ABTB3: variants seen among roughly 807,000 people sequenced by gnomAD.
ABTB3 encodes ankyrin repeat- and BTB/POZ domain-containing protein 3.
chr12:107,548,210 T>A, the ABTB3 span, among the ~76,000 whole-genome samples: 46,010 of 152,000 alleles, frequency 0.3, 7,210 homozygotes, highest in African/African-American at 0.37. Flanking sequence ...TATCCTGCAA[T>A]TCTATCAAAC....
chr12:107,319,453 C>T, the ABTB3 span: 9 of 1,607,216 alleles, frequency 5.6e-6, no homozygotes, highest in Non-Finnish European at 7.6e-6. Context: ...TCGTGCTGTC[C>T]TGGGGCCTGG....
the ABTB3 span, among the ~76,000 whole-genome samples, chr12:107,473,642 C>A: frequency 0.012 from 1,884 of 152,142 alleles, 23 homozygotes; most frequent in Non-Finnish European, 0.02. Flanking sequence ...TTGAACTTCC[C>A]CTAAATGGAC....
At chr12:107,330,279 T>C in the ABTB3 span, among the ~76,000 whole-genome samples, 1 of 152,124 alleles carries the variant, frequency 6.6e-6, no homozygotes. Context: ...AGGAGGGAGA[T>C]GCAGTGATCA....
the ABTB3 span, chr12:107,649,524 C>T: frequency 2.1e-6 from 1 of 484,296 alleles, no homozygotes. Context: ...CTTTTAGTAG[C>T]CACTGAGTGA....
the ABTB3 span, among the ~76,000 whole-genome samples, chr12:107,469,864 TC>T: frequency 1.6e-4 from 22 of 141,426 alleles, 1 homozygote; most frequent in African/African-American, 5.5e-4. Flanking sequence ...TTTCTTTCTT[TC>T]TTTTCTTTCT....
At chr12:107,648,250 G>A in the ABTB3 span, among the ~76,000 whole-genome samples, 3 of 151,964 alleles carry the variant, frequency 2.0e-5, no homozygotes, top group Non-Finnish European at 4.4e-5. Context: ...GCGTGGCAGC[G>A]TGCACCTGTA....
the ABTB3 span, among the ~76,000 whole-genome samples, chr12:107,637,936 G>A: frequency 6.6e-6 from 1 of 151,914 alleles, no homozygotes; most frequent in African/African-American, 2.4e-5. Flanking sequence ...GGGACTAGCT[G>A]GAGATGAACA....
chr12:107,335,422 CT>C, the ABTB3 span, among the ~76,000 whole-genome samples: 32 of 150,594 alleles, frequency 2.1e-4, no homozygotes, highest in African/African-American at 7.8e-4. Context: ...GGAAAATGCC[CT>C]CAGTATATCA....
At chr12:107,471,604 C>T in the ABTB3 span, among the ~76,000 whole-genome samples, 2 of 152,156 alleles carry the variant, frequency 1.3e-5, no homozygotes, top group Non-Finnish European at 2.9e-5. Flanking sequence ...TTGGTGTGAG[C>T]TTTGCCTGCA....
chr12:107,466,197 G>C, the ABTB3 span, among the ~76,000 whole-genome samples: 14 of 152,220 alleles, frequency 9.2e-5, no homozygotes, highest in South Asian at 2.9e-3. Flanking sequence ...AAGGTGTCAG[G>C]AGGGGCCCAA....
chr12:107,342,944 G>A, the ABTB3 span, among the ~76,000 whole-genome samples: 1 of 152,164 alleles, frequency 6.6e-6, no homozygotes, highest in African/African-American at 2.4e-5. Flanking sequence ...TTTTGCTGTG[G>A]CTATGACCTG....
chr12:107,580,694 G>A, the ABTB3 span: 7 of 759,756 alleles, frequency 9.2e-6, no homozygotes, highest in East Asian at 1.9e-4. Flanking sequence ...CAGATGGGAA[G>A]GGAGTGCTAG....
chr12:107,548,025 T>G, the ABTB3 span, among the ~76,000 whole-genome samples: 4 of 152,326 alleles, frequency 2.6e-5, no homozygotes, highest in East Asian at 3.9e-4. Flanking sequence ...CAGGTTTTAG[T>G]GTTTAGCACT....
the ABTB3 span, among the ~76,000 whole-genome samples, chr12:107,412,510 A>G: frequency 6.6e-6 from 1 of 152,192 alleles, no homozygotes; most frequent in South Asian, 2.1e-4. Context: ...GAAACGTAGG[A>G]GGTTGGAGCG....
the ABTB3 span, among the ~76,000 whole-genome samples, chr12:107,420,100 C>T: frequency 1.3e-5 from 2 of 152,082 alleles, no homozygotes; most frequent in African/African-American, 4.8e-5. Context: ...CTTTTTTCCC[C>T]ACATGAGAGT....
At chr12:107,341,440 G>T in the ABTB3 span, among the ~76,000 whole-genome samples, 34 of 152,092 alleles carry the variant, frequency 2.2e-4, no homozygotes, top group Admixed American at 2.2e-3. Context: ...GACTGAGGGG[G>T]GTAAGAAGAA....
At chr12:107,424,291 T>C in the ABTB3 span, among the ~76,000 whole-genome samples, 13 of 152,248 alleles carry the variant, frequency 8.5e-5, no homozygotes, top group Non-Finnish European at 1.6e-4. Context: ...TCGAAGTGTT[T>C]ACTAGGAAAA....
At chr12:107,492,459 G>A in the ABTB3 span, among the ~76,000 whole-genome samples, 1 of 152,312 alleles carries the variant, frequency 6.6e-6, no homozygotes, top group East Asian at 1.9e-4. Context: ...ATAGCAGGAT[G>A]TGCACTTGGC....
At chr12:107,337,081 T>C in the ABTB3 span, among the ~76,000 whole-genome samples, 71 of 152,376 alleles carry the variant, frequency 4.7e-4, no homozygotes, top group African/African-American at 1.7e-3. Flanking sequence ...GCCCATGAGA[T>C]GGCACCTCGT....
Sources: gnomAD v4.1 joint callset for allele counts (sites outside exome capture counted in the v4.1 genomes callset) on GRCh38, gnomAD v4.1.1 for gene constraint, MANE v1.5 for transcripts, NCBI Gene and HGNC (gene_info 2026-07-23, HGNC 2026-07-21) for gene names.